Variants in SLC3A1 observed in about 807,000 individuals in gnomAD.
SLC3A1 encodes amino acid transporter heavy chain SLC3A1.
SLC3A1 carries 78 observed loss-of-function variants against 60.3 expected under a neutral mutation model. The ratio of observed to expected loss-of-function variants is 1.29; its 90% CI spans 1.08 to 1.56. The LOEUF (loss-of-function observed/expected upper bound fraction) is 1.56, where lower values mean the gene tolerates loss of function less well. SLC3A1 is among the 40% of genes most tolerant of loss of function. SLC3A1 has a pLI of 0.00. For synonymous variants in SLC3A1, 392 were observed against 307.9 expected, an observed-to-expected ratio of 1.27 and a Z score of -2.86; for missense variants, 1,172 against 858.9, an observed-to-expected ratio of 1.36 and a Z score of -4.56.
chr2:44,281,311 A>T, intron 2 of SLC3A1, 76 bp from the exon 3 acceptor site: 1 of 1,328,418 alleles, frequency 7.5e-7, no homozygotes, highest in Non-Finnish European at 1.1e-6. Context: ...GGCGTTAGCC[A>T]TTACTGTGCC....
At chr2:44,314,985 G>C (rs1672392860) in intron 9 of SLC3A1, 1 of 130,590 alleles carries the variant, frequency 7.7e-6, no homozygotes, top group Admixed American at 9.4e-5. Context: ...GGGCTAGAGT[G>C]CAATGGTGTG....
chr2:44,290,103 T>C (rs1290530336), intron 4 of SLC3A1, among the ~76,000 whole-genome samples: 1 of 149,306 alleles, frequency 6.7e-6, no homozygotes, highest in Non-Finnish European at 1.5e-5. Flanking sequence ...TTATATAGGG[T>C]GTGAAGGTAA....
At chr2:44,320,164 C>A in intron 9 of SLC3A1, 35 bp from the exon 10 acceptor site, 2 of 1,519,574 alleles carry the variant, frequency 1.3e-6, no homozygotes, top group South Asian at 1.1e-5. Flanking sequence ...TTCTTAGAAT[C>A]AAACACTTAC....
intron 4 of SLC3A1, 118 bp downstream of exon 4, chr2:44,286,275 A>C: frequency 1.0e-6 from 1 of 956,528 alleles, no homozygotes; most frequent in Non-Finnish European, 1.7e-6. Flanking sequence ...TATTTGAAAT[A>C]CTCTATAGTT....
At chr2:44,288,074 C>T (rs1024031336) in intron 4 of SLC3A1, among the ~76,000 whole-genome samples, 1 of 151,312 alleles carries the variant, frequency 6.6e-6, no homozygotes, top group African/African-American at 2.4e-5. Flanking sequence ...GTCGCCCAGG[C>T]TGGAGTGTAG....
At chr2:44,296,641 C>T (rs1671854400) in intron 4 of SLC3A1, among the ~76,000 whole-genome samples, 1 of 152,100 alleles carries the variant, frequency 6.6e-6, no homozygotes. Flanking sequence ...CAGTATTAAC[C>T]CTTGCATTTA....
At position 44,320,080 on chromosome 2, in the gene SLC3A1, T is replaced by C; in HGVS notation, c.1618-119T>C. 3 of 833,522 alleles carry C rather than the reference T, an allele frequency of 3.6e-6. No homozygotes were observed. In the Admixed American group the frequency reaches 7.9e-5, roughly 22 times the overall value. 51.6% of individuals were successfully genotyped at this position (833,522 alleles called of 1,614,324 possible). The stretch of plus-strand genomic sequence containing the variant: ...TTATTGATGCTTACAATTTGGCAAT[T>C]ATAAGGGGCAAAATTGGAGCAAGTG... On this transcript the variant is annotated intron_variant, in intron 9 of 9. Transcript: ENST00000260649.
At position 44,275,956 on chromosome 2, in the gene SLC3A1, G is replaced by A; in HGVS notation, c.421G>A (p.Asp141Asn). ...FKDSNKDGNG[D>N]LKGIQDKLDY... ...GGACAGTAACAAGGATGGGAACGGA[G>A]ATCTGAAAGGTACATGCCCAGAGAT... The change falls in exon 1 of 10, where the codon GAT becomes AAT. Residue 141 changes from aspartate (D) to asparagine (N), a missense_variant. Physicochemically the swap from Asp to Asn is conservative, Grantham distance 23. Transcript: ENST00000260649. 6.2e-7 allele frequency: 1 copy of A among 1,614,094 alleles called. No homozygotes were observed. The highest frequency in any genetic ancestry group is 1.1e-5 in the South Asian group (1 of 91,058).
Position 44,320,508 on chromosome 2 carries a change from G to GT in SLC3A1, c.1927_1928insT (p.Gly643ValfsTer7). ...TACAAGTGGCATTTTTCTGGACAAG[G>GT]GAGAGGGACTCATCTTTGAACACAA... On this transcript the variant is annotated frameshift_variant, in exon 10 of 10. Coordinates refer to ENST00000260649, the MANE Select transcript of SLC3A1 (RefSeq NM_000341.4). LOFTEE classifies it low-confidence loss of function (END_TRUNC). 6.2e-7 allele frequency: 1 copy of GT among 1,614,118 alleles called. No homozygotes were observed. Among genetic ancestry groups the GT allele is most frequent in the East Asian group, 2.2e-5 (1 of 44,886 alleles).
Position 44,281,531 on chromosome 2 carries a change from C to T in SLC3A1, c.755C>T (p.Pro252Leu), listed in dbSNP as rs1449036801. The change falls in exon 3 of 10, where the codon CCC becomes CTC. Residue 252 changes from proline to leucine, a missense_variant. Physicochemically the swap from Pro to Leu is moderately conservative, Grantham distance 98. Coordinates refer to ENST00000260649, the MANE Select transcript of SLC3A1 (RefSeq NM_000341.4). Reference sequence around the variant, plus strand: ...CATGAAAATGGCAAAACCATTCCACCCAACAACTGGGTAAGTATCAACCTG... The same window carrying T: ...CATGAAAATGGCAAAACCATTCCACTCAACAACTGGGTAAGTATCAACCTG... ...CTHENGKTIP[P>L]NNWLSVYGNS... is the part of the protein sequence containing the mutation. 2.5e-6 allele frequency: 4 copies of T among 1,613,858 alleles called. No individual in the cohort carries two copies. Among genetic ancestry groups the T allele is most frequent in the Non-Finnish European group, 3.4e-6 (4 of 1,179,902 alleles).
intron 7 of SLC3A1, among the ~76,000 whole-genome samples, chr2:44,308,923 G>A (rs527973213): frequency 2.6e-4 from 40 of 152,060 alleles, no homozygotes; most frequent in East Asian, 1.9e-4. Flanking sequence ...TAGTAGAGAC[G>A]GGGTTTCACC....
Position 44,275,696 on chromosome 2 carries a change from C to T in SLC3A1, c.161C>T (p.Ser54Phe). The T allele has an allele frequency of 1.2e-6, 2 of 1,613,446 alleles. No individual in the cohort carries two copies. Among genetic ancestry groups the T allele is most frequent in the South Asian group, 1.1e-5 (1 of 91,088 alleles). The change falls in exon 1 of 10, where the codon TCC becomes TTC. Residue 54 changes from serine (S) to phenylalanine (F), a missense_variant. Coordinates refer to ENST00000260649, the MANE Select transcript of SLC3A1 (RefSeq NM_000341.4). ...LKHSTRGILG[S>F]QEPDFKGVQP... ...CACAGCACCAGGGGCATCCTTGGCTCCCAGGAGCCCGACTTCAAGGGCGTC... is the reference window on the plus strand; with the variant it reads ...CACAGCACCAGGGGCATCCTTGGCTTCCAGGAGCCCGACTTCAAGGGCGTC...
intron 9 of SLC3A1, chr2:44,316,483 G>A (rs537236527): frequency 1.3e-5 from 2 of 152,236 alleles, no homozygotes; most frequent in Admixed American, 6.5e-5. Flanking sequence ...AGAAAAAATC[G>A]GGATACATGG....
Position 44,286,049 on chromosome 2 carries a change from C to G in SLC3A1, c.783C>G (p.Asn261Lys). The G allele has an allele frequency of 2.5e-6, 4 of 1,614,052 alleles. No individual in the cohort carries two copies. The highest frequency in any genetic ancestry group is 3.4e-6 in the Non-Finnish European group (4 of 1,179,948). ...PPNNWLSVYG[N>K]SSWHFDEVRN... ...TTTGCCAGTTAAGTGTGTATGGAAA[C>G]TCCAGTTGGCACTTTGACGAAGTGC... Residue 261 changes from asparagine to lysine, a missense_variant, in exon 4 of 10, where the codon AAC becomes AAG. By Grantham distance (94) the Asn-to-Lys change is moderately conservative. Coordinates refer to ENST00000260649, the MANE Select transcript of SLC3A1 (RefSeq NM_000341.4).
At chr2:44,281,733 T>A (rs2104335831) in intron 3 of SLC3A1, among the ~76,000 whole-genome samples, 192 bp downstream of exon 3, 1 of 152,366 alleles carries the variant, frequency 6.6e-6, no homozygotes, top group East Asian at 1.9e-4. Context: ...TTTAGATTTC[T>A]GATTTCATCA....
chr2:44,312,033 A>C (rs1558468650), intron 7 of SLC3A1, among the ~76,000 whole-genome samples: 1 of 152,228 alleles, frequency 6.6e-6, no homozygotes, highest in African/African-American at 2.4e-5. Context: ...TATTTAAACA[A>C]ACTTATTTAA....
At chr2:44,303,928 G>T in intron 6 of SLC3A1, 2 of 631,292 alleles carry the variant, frequency 3.2e-6, no homozygotes, top group Middle Eastern at 4.2e-4. Flanking sequence ...TTTTATGGCT[G>T]CATAGTATTC....
intron 4 of SLC3A1, among the ~76,000 whole-genome samples, chr2:44,287,927 T>G (rs1180583028): frequency 6.6e-6 from 1 of 152,178 alleles, no homozygotes. Context: ...AATAACAGTT[T>G]AATTGACATA....
chr2:44,304,431 G>T (rs1672100738), intron 7 of SLC3A1, 93 bp downstream of exon 7: 1 of 950,804 alleles, frequency 1.1e-6, no homozygotes, highest in Non-Finnish European at 1.7e-6. Flanking sequence ...GTCTCTAAGT[G>T]ACCATCACCT....
Sources: allele counts gnomAD v4.1 joint callset (sites outside exome capture counted in the v4.1 genomes callset), GRCh38; gene constraint gnomAD v4.1.1; transcripts MANE v1.5; gene names NCBI Gene and HGNC (gene_info 2026-07-23, HGNC 2026-07-21).